The following GRIP1 variants were observed in gnomAD, a reference collection of about 807,000 sequenced individuals.
GRIP1 encodes glutamate receptor-interacting protein 1.
Under a neutral mutation model 129.9 loss-of-function variants are expected in GRIP1, and 45 were observed. The ratio of observed to expected loss-of-function variants is 0.35; its 90% CI spans 0.27 to 0.44. The LOEUF (loss-of-function observed/expected upper bound fraction) is 0.44, where lower values mean the gene tolerates loss of function less well. Ranked by LOEUF, GRIP1 falls within the 20% of genes least tolerant of loss-of-function variation. The probability of loss-of-function intolerance (pLI) is 1.00; values close to 1 mark genes in which losing one functional copy is unlikely to be tolerated. For synonymous variants in GRIP1, 530 were observed against 520.8 expected, an observed-to-expected ratio of 1.02 and a Z score of -0.24; for missense variants, 1,196 against 1,396.8, an observed-to-expected ratio of 0.86 and a Z score of 2.29.
chr12:66,656,049 A>G (rs909275963), intron 1 of GRIP1, among the ~76,000 whole-genome samples: 3 of 152,174 alleles, frequency 2.0e-5, no homozygotes, highest in African/African-American at 7.2e-5. Flanking sequence ...ATATATAGGG[A>G]ATAATTGAAC....
At chr12:66,863,352 G>A (rs1041528685) in intron 1 of GRIP1, among the ~76,000 whole-genome samples, 1 of 152,094 alleles carries the variant, frequency 6.6e-6, no homozygotes, top group Admixed American at 6.6e-5. Context: ...ATTTCTAATA[G>A]GGTAAGACAG....
intron 1 of GRIP1, among the ~76,000 whole-genome samples, chr12:67,008,953 A>G (rs1053735756): frequency 1.3e-5 from 2 of 152,154 alleles, no homozygotes; most frequent in Non-Finnish European, 2.9e-5. Flanking sequence ...CTTGACACAA[A>G]AGTACACTAT....
chr12:66,417,641 C>T (rs1005896401), intron 15 of GRIP1, among the ~76,000 whole-genome samples: 1 of 152,076 alleles, frequency 6.6e-6, no homozygotes, highest in Admixed American at 6.6e-5. Context: ...TTTCTATATG[C>T]CAACAGTGAA....
intron 7 of GRIP1, among the ~76,000 whole-genome samples, chr12:66,483,987 G>A (rs1421090501): frequency 1.3e-5 from 2 of 151,094 alleles, no homozygotes; most frequent in African/African-American, 4.9e-5. Context: ...AGCCTCCCAA[G>A]TAGCTGGGAC....
rs879391301 is a variant in GRIP1, at chr12:66,533,879, A to ACTCTCTCTC, written c.419-3966_419-3965insGAGAGAGAG. ...CACACACACTCACACACACACACAC[A>ACTCTCTCTC]TACACACACTCTCTCTCTCTCTCTC... On this transcript the variant is annotated intron_variant, in intron 4 of 24. Transcript: ENST00000359742. 4.6e-5 allele frequency among the ~76,000 whole-genome samples: 6 copies of ACTCTCTCTC among 131,208 alleles called. No homozygotes were observed. In the East Asian group the frequency reaches 1.0e-3, roughly 22 times the overall value. 86.1% of individuals were successfully genotyped at this position (131,208 alleles called of 152,430 possible).
In GRIP1 at chr12:66,790,764, G is replaced by A. The variant is rs150731179; in HGVS notation, c.-420+13289C>T. On this transcript the variant is annotated intron_variant, in intron 1 of 4. Coordinates refer to the GRIP1 transcript ENST00000538373. ...AAAATCTGAGGTAATGCACCACCCA[G>A]AAGACAGTTGGAAAGATAGATCCAG... Among the ~76,000 whole-genome samples the A allele has an allele frequency of 5.3e-5, 8 of 152,220 alleles. No individual in the cohort carries two copies. The East Asian group carries it at 1.5e-3, about 29-fold the overall frequency.
At chr12:66,792,392 C>A (rs2038568490) in intron 1 of GRIP1, among the ~76,000 whole-genome samples, 2 of 152,064 alleles carry the variant, frequency 1.3e-5, no homozygotes, top group Non-Finnish European at 2.9e-5. Flanking sequence ...CAGGAACGCA[C>A]CACTATGACT....
At chr12:66,429,484 T>TTTAGAA (rs1325443121) in intron 14 of GRIP1, among the ~76,000 whole-genome samples, 8 of 151,720 alleles carry the variant, frequency 5.3e-5, no homozygotes, top group Non-Finnish European at 1.2e-4. Flanking sequence ...ATCGCTTGAG[T>TTTAGAA]TTAGAAGTTC....
At chr12:66,446,597 C>CA (rs1386997578) in intron 11 of GRIP1, among the ~76,000 whole-genome samples, 1 of 152,200 alleles carries the variant, frequency 6.6e-6, no homozygotes, top group Admixed American at 6.5e-5. Context: ...TGCTCTGTCT[C>CA]ATTTTCAAGC....
At chr12:66,810,885 C>G (rs1275152494) in intron 1 of GRIP1, among the ~76,000 whole-genome samples, 1 of 152,180 alleles carries the variant, frequency 6.6e-6, no homozygotes, top group African/African-American at 2.4e-5. Flanking sequence ...CCTAAGTTTG[C>G]TCATCTGCAA....
At chr12:66,867,114 G>A (rs1022744968) in intron 1 of GRIP1, among the ~76,000 whole-genome samples, 2 of 152,016 alleles carry the variant, frequency 1.3e-5, no homozygotes, top group East Asian at 1.9e-4. Context: ...TCAGCTTCTC[G>A]AGTAGCTGAG....
intron 1 of GRIP1, among the ~76,000 whole-genome samples, chr12:66,777,119 T>TAAGA (rs915564929): frequency 6.6e-5 from 10 of 152,258 alleles, no homozygotes; most frequent in African/African-American, 2.2e-4. Context: ...ACAGCAGACC[T>TAAGA]TCTTACACTC....
chr12:66,876,289 T>A (rs757538012), intron 1 of GRIP1, among the ~76,000 whole-genome samples: 1 of 152,056 alleles, frequency 6.6e-6, no homozygotes, highest in Non-Finnish European at 1.5e-5. Context: ...ATTATTGTTA[T>A]AATCATCTTC....
intron 1 of GRIP1, among the ~76,000 whole-genome samples, chr12:66,698,501 C>T (rs1272301182): frequency 6.6e-6 from 1 of 152,232 alleles, no homozygotes; most frequent in East Asian, 1.9e-4. Context: ...TTCACAAATG[C>T]TTCCCAGGAC....
chr12:67,002,517 T>C (rs2042565766), intron 1 of GRIP1, among the ~76,000 whole-genome samples: 1 of 152,220 alleles, frequency 6.6e-6, no homozygotes, highest in African/African-American at 2.4e-5. Context: ...TAGGAGATAA[T>C]ATTGGCCTTT....
intron 15 of GRIP1, among the ~76,000 whole-genome samples, chr12:66,409,520 A>C (rs1440891460): frequency 6.6e-6 from 1 of 152,222 alleles, no homozygotes; most frequent in Non-Finnish European, 1.5e-5. Flanking sequence ...AACTTAGATC[A>C]CAACACCCAA....
chr12:66,935,882 C>CA (rs554473016), intron 1 of GRIP1, among the ~76,000 whole-genome samples: 217 of 152,256 alleles, frequency 1.4e-3, no homozygotes, highest in African/African-American at 4.8e-3. Flanking sequence ...GTTAAAGGTG[C>CA]ATACTATTAA....
chr12:66,379,804 A>G (rs1028203691), intron 19 of GRIP1, among the ~76,000 whole-genome samples: 1 of 152,156 alleles, frequency 6.6e-6, no homozygotes, highest in Non-Finnish European at 1.5e-5. Flanking sequence ...TTCTTCCCCA[A>G]ACTGGCTTAG....
At chr12:66,859,292 CAAAAAAACAAAAAAAA>C (rs1253919880) in intron 1 of GRIP1, among the ~76,000 whole-genome samples, 1 of 11,706 alleles carries the variant, frequency 8.5e-5, no homozygotes, top group African/African-American at 1.6e-4. Context: ...AACAAAAAAA[CAAAAAAACAAAAAAAA>C]ACCAGTATTA....
Sources: gnomAD v4.1 joint callset for allele counts (sites outside exome capture counted in the v4.1 genomes callset) on GRCh38, gnomAD v4.1.1 for gene constraint, MANE v1.5 for transcripts, NCBI Gene and HGNC (gene_info 2026-07-23, HGNC 2026-07-21) for gene names.